COA1: variants seen among roughly 807,000 people sequenced by gnomAD.
COA1 encodes the protein cytochrome c oxidase assembly factor 1 homolog.
A neutral mutation model predicts 16.0 loss-of-function variants in COA1; 13 were observed. The observed-to-expected ratio is 0.81, with a 90% confidence interval of 0.53 to 1.29. The LOEUF (loss-of-function observed/expected upper bound fraction) is 1.29. COA1 is among the 50% of genes most tolerant of loss of function. COA1 has a pLI of 0.00. For missense variants in COA1, 179 were observed against 177.0 expected, an observed-to-expected ratio of 1.01 and a Z score of -0.06; for synonymous variants, 65 against 65.7, an observed-to-expected ratio of 0.99 and a Z score of 0.05.
intron 1 of COA1, among the ~76,000 whole-genome samples, chr7:43,661,636 CAA>C (rs200678255): frequency 2.3e-5 from 3 of 133,252 alleles, no homozygotes; most frequent in Non-Finnish European, 3.3e-5. Context: ...GACTCCATCT[CAA>C]AAAAAAAAAA....
At chr7:43,658,729 A>G (rs2092095349) in intron 1 of COA1, 1 of 152,210 alleles carries the variant, frequency 6.6e-6, no homozygotes, top group East Asian at 1.9e-4. Flanking sequence ...TGAAAGGGGG[A>G]AGCGCAATTT....
At chr7:43,643,373 G>C (rs55676832) in intron 4 of COA1, among the ~76,000 whole-genome samples, 22,370 of 152,252 alleles carry the variant, frequency 0.15, 2,196 homozygotes, top group Non-Finnish European at 0.21. Context: ...GACCTACCCA[G>C]TGGCTTTTCC....
chr7:43,681,504 C>T (rs975203729), intron 1 of COA1, among the ~76,000 whole-genome samples: 2 of 152,060 alleles, frequency 1.3e-5, no homozygotes, highest in Non-Finnish European at 2.9e-5. Context: ...CCTTCTTTTA[C>T]GGAGATATCT....
intron 1 of COA1, among the ~76,000 whole-genome samples, chr7:43,703,073 TTC>T (rs2094815808): frequency 6.6e-6 from 1 of 152,186 alleles, no homozygotes. Context: ...TCAAATATTT[TTC>T]TGCCTTAATT....
chr7:43,726,599 A>C (rs1005201985), intron 1 of COA1, among the ~76,000 whole-genome samples: 16 of 152,218 alleles, frequency 1.1e-4, no homozygotes, highest in African/African-American at 3.9e-4. Flanking sequence ...TTCAAGTCTT[A>C]AAATGCTCCT....
intron 1 of COA1, among the ~76,000 whole-genome samples, chr7:43,677,051 C>G (rs966966917): frequency 6.6e-6 from 1 of 152,156 alleles, no homozygotes; most frequent in Non-Finnish European, 1.5e-5. Context: ...TTGTACGATG[C>G]CTAACAGATC....
chr7:43,701,641 T>C (rs2094745470), intron 1 of COA1, among the ~76,000 whole-genome samples: 1 of 152,186 alleles, frequency 6.6e-6, no homozygotes, highest in Admixed American at 6.5e-5. Context: ...GATTGGTAGT[T>C]CTGTTTTTAG....
intron 6 of COA1, among the ~76,000 whole-genome samples, chr7:43,612,622 G>C (rs181993972): frequency 6.6e-5 from 10 of 152,194 alleles, no homozygotes; most frequent in Admixed American, 6.5e-4. Context: ...GGAAACTCCT[G>C]TCCCTGTGAC....
chr7:43,680,621 C>T (rs2093725368), intron 1 of COA1, among the ~76,000 whole-genome samples: 1 of 152,128 alleles, frequency 6.6e-6, no homozygotes. Flanking sequence ...GATTTATTTT[C>T]ATTAATTTTG....
chr7:43,725,056 T>C (rs113522475), intron 1 of COA1, among the ~76,000 whole-genome samples: 4 of 152,240 alleles, frequency 2.6e-5, no homozygotes, highest in African/African-American at 9.6e-5. Context: ...ATGACCAACA[T>C]GGAGAAACCC....
chr7:43,655,427 G>A (rs1327369550), intron 1 of COA1, among the ~76,000 whole-genome samples: 2 of 152,222 alleles, frequency 1.3e-5, no homozygotes, highest in Non-Finnish European at 2.9e-5. Context: ...GAGGCAGGCA[G>A]ATCACTTAAG....
At chr7:43,640,772 A>C in intron 4 of COA1, 123 bp from the exon 5 acceptor site, 1 of 678,316 alleles carries the variant, frequency 1.5e-6, no homozygotes. Context: ...CACAGAAGTG[A>C]GTTCTTTTCT....
intron 1 of COA1, among the ~76,000 whole-genome samples, chr7:43,691,269 G>A (rs796513849): frequency 0.088 from 2,540 of 28,920 alleles, 39 homozygotes; most frequent in Non-Finnish European, 0.11. Context: ...AGAAAGAAAA[G>A]AAAGAAAGAA....
intron 6 of COA1, among the ~76,000 whole-genome samples, chr7:43,612,806 C>A (rs1218713010): frequency 6.7e-6 from 1 of 148,252 alleles, no homozygotes; most frequent in East Asian, 2.0e-4. Context: ...TGGGAAAGTT[C>A]TTGGGGTGGG....
intron 2 of COA1, chr7:43,647,993 A>G: frequency 4.2e-6 from 1 of 240,094 alleles, no homozygotes; most frequent in Admixed American, 5.1e-5. Flanking sequence ...TCTCAGGCCA[A>G]CTGGTAAACA....
chr7:43,719,048 C>T (rs1357192603), intron 1 of COA1, among the ~76,000 whole-genome samples: 1 of 151,474 alleles, frequency 6.6e-6, no homozygotes, highest in Non-Finnish European at 1.5e-5. Context: ...CTCAGCTCAC[C>T]GCAAGCTCCA....
chr7:43,683,020 T>TGTAGAGATGGGGTTTTTA (rs1296231869), intron 1 of COA1, among the ~76,000 whole-genome samples: 4 of 151,992 alleles, frequency 2.6e-5, no homozygotes, highest in Admixed American at 6.6e-5. Context: ...GGCTAATTTT[T>TGTAGAGATGGGGTTTTTA]GTAGAGATGG....
intron 6 of COA1, among the ~76,000 whole-genome samples, chr7:43,624,059 G>T (rs2084219569): frequency 6.6e-6 from 1 of 152,056 alleles, no homozygotes; most frequent in Non-Finnish European, 1.5e-5. Context: ...GAAACCCTTG[G>T]CTTAATATAA....
At chr7:43,610,904 G>T (rs546646764) in intron 6 of COA1, among the ~76,000 whole-genome samples, 1 of 152,228 alleles carries the variant, frequency 6.6e-6, no homozygotes, top group African/African-American at 2.4e-5. Context: ...ATCGCTTGAG[G>T]TCAGGAGTTT....
Sources: allele counts gnomAD v4.1 joint callset (sites outside exome capture counted in the v4.1 genomes callset), GRCh38; gene constraint gnomAD v4.1.1; transcripts MANE v1.5; gene names NCBI Gene and HGNC (gene_info 2026-07-23, HGNC 2026-07-21).